The following HEATR5A variants were observed in gnomAD, a reference collection of about 807,000 sequenced individuals.
HEATR5A encodes the protein HEAT repeat containing 5A, also known as HEAT repeat-containing protein 5A.
In HEATR5A, 178 loss-of-function variants were observed where a neutral mutation model predicts 218.8. That is an observed-to-expected ratio of 0.81 (90% CI 0.72 to 0.92). The LOEUF (loss-of-function observed/expected upper bound fraction) is 0.92, where lower values mean the gene tolerates loss of function less well. HEATR5A is among the 40% of genes least tolerant of loss of function. The pLI, the probability that HEATR5A is intolerant of heterozygous loss-of-function variation, is 0.00. For missense variants in HEATR5A, 2,420 were observed against 2,418.9 expected, an observed-to-expected ratio of 1.00 and a Z score of -0.01; for synonymous variants, 864 against 871.6, an observed-to-expected ratio of 0.99 and a Z score of 0.15.
chr14:31,414,562 C>A (rs909305208), intron 1 of HEATR5A, among the ~76,000 whole-genome samples: 10 of 152,148 alleles, frequency 6.6e-5, no homozygotes, highest in Admixed American at 1.3e-4. Flanking sequence ...TACAAGATGC[C>A]ATTATTCCTC....
chr14:31,386,541 C>T lies in HEATR5A; in HGVS notation c.1224G>A (p.Arg408=). Residue 408 remains arginine, a synonymous_variant, in exon 9 of 36, where the codon CGG becomes CGA. Coordinates refer to ENST00000543095, the MANE Select transcript of HEATR5A (RefSeq NM_015473.4). ...AVMSDGNLET[R]LGSTDVAASQ... is the part of the protein sequence containing the mutation. ...TAGCGGCTACATCTGTGGAACCAAG[C>T]CGGGTTTCCAAATTACCATCACTCA... The T allele has an allele frequency of 6.3e-7, 1 of 1,599,640 alleles. No homozygotes were observed. The highest frequency in any genetic ancestry group is 1.1e-5 in the South Asian group (1 of 88,642).
At chr14:31,349,065 G>A (rs1461018008) in intron 18 of HEATR5A, among the ~76,000 whole-genome samples, 1 of 152,130 alleles carries the variant, frequency 6.6e-6, no homozygotes, top group Non-Finnish European at 1.5e-5. Flanking sequence ...AGAGGATTAA[G>A]TAATCTACTA....
chr14:31,311,168 A>G (rs902884617), intron 28 of HEATR5A, among the ~76,000 whole-genome samples: 1 of 152,200 alleles, frequency 6.6e-6, no homozygotes, highest in Non-Finnish European at 1.5e-5. Context: ...GACATTTTGG[A>G]ATAACATGAA....
intron 13 of HEATR5A, among the ~76,000 whole-genome samples, chr14:31,370,825 A>G (rs1265090435): frequency 6.6e-6 from 1 of 152,266 alleles, no homozygotes; most frequent in East Asian, 1.9e-4. Flanking sequence ...GAAACAGGAC[A>G]GTAATTTTTG....
At chr14:31,413,055 G>A (rs1176675627) in intron 1 of HEATR5A, among the ~76,000 whole-genome samples, 2 of 151,908 alleles carry the variant, frequency 1.3e-5, no homozygotes, top group Admixed American at 6.6e-5. Flanking sequence ...AACTTATGAC[G>A]AACCCCAGGC....
intron 13 of HEATR5A, 100 bp downstream of exon 13, chr14:31,371,710 T>C (rs919553556): frequency 2.1e-6 from 1 of 468,076 alleles, no homozygotes; most frequent in Admixed American, 4.3e-5. Context: ...CCTTCCTCCA[T>C]AAAATCATTC....
At chr14:31,417,727 G>A (rs548701040) in intron 1 of HEATR5A, among the ~76,000 whole-genome samples, 12 of 151,828 alleles carry the variant, frequency 7.9e-5, no homozygotes, top group African/African-American at 2.4e-4. Flanking sequence ...TCCAGCCTGG[G>A]GGACAGAGCG....
At chr14:31,302,547 C>G (rs376003969) in intron 32 of HEATR5A, 28 bp from the exon 33 acceptor site, 3 of 1,418,026 alleles carry the variant, frequency 2.1e-6, no homozygotes, top group African/African-American at 2.8e-5. Flanking sequence ...TAAAAACACA[C>G]TGGATTTCAA....
intron 23 of HEATR5A, 71 bp downstream of exon 23, chr14:31,326,092 G>T: frequency 8.4e-7 from 1 of 1,194,292 alleles, no homozygotes; most frequent in Non-Finnish European, 1.2e-6. Context: ...TGAATTCTCA[G>T]TGGTAAACAA....
chr14:31,329,097 G>GA (rs779042434), intron 22 of HEATR5A, among the ~76,000 whole-genome samples: 8 of 152,112 alleles, frequency 5.3e-5, no homozygotes, highest in South Asian at 2.1e-4. Context: ...CAGCATGGGG[G>GA]AAACTGTCCC....
At chr14:31,350,554 T>C (rs935081695) in intron 17 of HEATR5A, 58 bp downstream of exon 17, 4 of 923,758 alleles carry the variant, frequency 4.3e-6, no homozygotes, top group South Asian at 3.1e-5. Context: ...CAAACTTCAT[T>C]GGCTACAAAT....
intron 6 of HEATR5A, among the ~76,000 whole-genome samples, chr14:31,392,851 T>C (rs2030504092): frequency 6.6e-6 from 1 of 152,192 alleles, no homozygotes; most frequent in Admixed American, 6.5e-5. Flanking sequence ...CAACATCTAT[T>C]CTATTTGACT....
intron 16 of HEATR5A, among the ~76,000 whole-genome samples, chr14:31,351,783 T>TC (rs1275210959): frequency 6.6e-6 from 1 of 151,702 alleles, no homozygotes; most frequent in Non-Finnish European, 1.5e-5. Context: ...CTGCTAATTT[T>TC]TTTTTTTTTT....
At chr14:31,311,472 C>T (rs1899749816) in intron 28 of HEATR5A, among the ~76,000 whole-genome samples, 3 of 151,676 alleles carry the variant, frequency 2.0e-5, no homozygotes, top group Non-Finnish European at 4.4e-5. Context: ...AGTACAGTGG[C>T]ACGATGATAG....
At chr14:31,351,852 C>T (rs201155412) in intron 16 of HEATR5A, among the ~76,000 whole-genome samples, 1 of 151,646 alleles carries the variant, frequency 6.6e-6, no homozygotes, top group Non-Finnish European at 1.5e-5. Flanking sequence ...TAAGCTCAAG[C>T]GATCCTCCAG....
In HEATR5A at chr14:31,350,657, T is replaced by C; in HGVS notation, c.2472A>G (p.Gln824=). The C allele has an allele frequency of 1.9e-6, 3 of 1,603,406 alleles. No individual in the cohort carries two copies. In the African/African-American group the frequency reaches 4.0e-5, roughly 21 times the overall value. The part of the protein sequence containing the change: ...SIKHTKGARQ[Q]VVQLHVVSSV... ...AAGAAACAACATGTAACTGAACCAC[T>C]TGCTGACGAGCTCCTTTTGTGTGCT... Residue 824 remains glutamine (Q), a synonymous_variant, in exon 17 of 36, where the codon CAA becomes CAG. Coordinates refer to ENST00000543095, the MANE Select transcript of HEATR5A (RefSeq NM_015473.4).
At chr14:31,307,180 C>T (rs893328913) in intron 30 of HEATR5A, among the ~76,000 whole-genome samples, 4 of 152,152 alleles carry the variant, frequency 2.6e-5, no homozygotes, top group Admixed American at 1.3e-4. Flanking sequence ...ATGCTTTAAA[C>T]CTAATAAAAG....
intron 13 of HEATR5A, among the ~76,000 whole-genome samples, chr14:31,367,460 C>A (rs564194890): frequency 6.6e-6 from 1 of 151,010 alleles, no homozygotes; most frequent in South Asian, 2.1e-4. Context: ...AGTGCAGTGG[C>A]GTGATCTTGA....
intron 27 of HEATR5A, among the ~76,000 whole-genome samples, chr14:31,313,504 A>C (rs1899822583): frequency 2.6e-5 from 4 of 152,230 alleles, no homozygotes; most frequent in Admixed American, 1.3e-4. Context: ...CTAATAATCC[A>C]TCTTAACATA....
Sources: allele counts gnomAD v4.1 joint callset (sites outside exome capture counted in the v4.1 genomes callset), GRCh38; gene constraint gnomAD v4.1.1; transcripts MANE v1.5; gene names NCBI Gene and HGNC (gene_info 2026-07-23, HGNC 2026-07-21).